The following FBXL13 variants were observed in gnomAD, a reference collection of about 807,000 sequenced individuals.
FBXL13 encodes F-box and leucine rich repeat protein 13, also known as F-box and leucine-rich repeat protein 13.
In FBXL13, 67 loss-of-function variants were observed where a neutral mutation model predicts 83.6. The ratio of observed to expected loss-of-function variants is 0.80; its 90% CI spans 0.66 to 0.98. FBXL13 has a LOEUF of 0.98. Among genes scored for constraint, FBXL13 ranks in the 50% least tolerant of loss-of-function variants. The pLI is 0.00. For missense variants in FBXL13, 822 were observed against 866.5 expected (o/e 0.95, Z 0.64); for synonymous variants, 272 against 299.5 (o/e 0.91, Z 0.95).
intron 16 of FBXL13, chr7:102,874,308 C>T (rs1808933618): frequency 2.0e-6 from 2 of 984,750 alleles, no homozygotes; most frequent in African/African-American, 1.7e-5. Flanking sequence ...CTCATTTTAA[C>T]TTCACTGTTT....
In FBXL13 at chr7:102,930,971, C is replaced by T. The variant is rs531698559; in HGVS notation, c.777+910G>A. Among the ~76,000 whole-genome samples, 6 of 152,278 alleles carry T rather than the reference C, an allele frequency of 3.9e-5. No homozygotes were observed. The East Asian group carries it at 1.2e-3, about 29-fold the overall frequency. On this transcript the variant is annotated intron_variant, in intron 9 of 19. Transcript: ENST00000313221. ...CAAAGAACAAGACACATCTCCTGCC[C>T]TTTGGGTCTCTTAGGCTAGTGAAGG...
chr7:102,833,941 T>C (rs781505278), intron 17 of FBXL13, among the ~76,000 whole-genome samples: 2 of 150,326 alleles, frequency 1.3e-5, no homozygotes, highest in Admixed American at 6.7e-5. Flanking sequence ...TCAGCAGTTA[T>C]ACAAGAACAA....
chr7:102,980,863 T>C (rs1216365978), intron 6 of FBXL13, among the ~76,000 whole-genome samples: 1 of 151,616 alleles, frequency 6.6e-6, no homozygotes, highest in Non-Finnish European at 1.5e-5. Flanking sequence ...ACAAAGAATA[T>C]GACACCAAAA....
At chr7:102,966,756 C>A (rs1443600393) in intron 7 of FBXL13, among the ~76,000 whole-genome samples, 1 of 152,202 alleles carries the variant, frequency 6.6e-6, no homozygotes, top group African/African-American at 2.4e-5. Flanking sequence ...CAATTATAAT[C>A]AGCATTTTTA....
At chr7:103,038,360 A>G (rs1485542442) in intron 2 of FBXL13, among the ~76,000 whole-genome samples, 1 of 152,244 alleles carries the variant, frequency 6.6e-6, no homozygotes, top group African/African-American at 2.4e-5. Flanking sequence ...TACTGCCTCT[A>G]TAGATTCCAC....
intron 11 of FBXL13, among the ~76,000 whole-genome samples, chr7:102,902,243 T>C (rs1226008166): frequency 1.3e-5 from 2 of 152,212 alleles, no homozygotes; most frequent in East Asian, 1.9e-4. Context: ...CTTTGAGAAA[T>C]GTCTATTGCA....
At chr7:103,020,163 G>T (rs1415567348) in intron 6 of FBXL13, among the ~76,000 whole-genome samples, 1 of 152,124 alleles carries the variant, frequency 6.6e-6, no homozygotes, top group African/African-American at 2.4e-5. Flanking sequence ...TGCAAGGCTG[G>T]TTCAACATAT....
rs191088249 is a variant in FBXL13, at chr7:103,028,048, C to G, written c.218-490G>C. On this transcript the variant is annotated intron_variant, in intron 4 of 19. Transcript: ENST00000313221. Reference sequence around the variant, plus strand: ...AAAGAAATGATTCTCTGGTTTGCAACAGTCATAAACAAGTTGTTATCAGGA... The same window carrying G: ...AAAGAAATGATTCTCTGGTTTGCAAGAGTCATAAACAAGTTGTTATCAGGA... 4.4e-3 allele frequency among the ~76,000 whole-genome samples: 672 copies of G among 152,240 alleles called. 6 individuals are homozygous for G. Among genetic ancestry groups the G allele is most frequent in the African/African-American group, 0.016 (644 of 41,542 alleles).
At chr7:102,948,599 A>G (rs1249985068) in intron 8 of FBXL13, among the ~76,000 whole-genome samples, 1 of 150,868 alleles carries the variant, frequency 6.6e-6, no homozygotes, top group African/African-American at 2.4e-5. Flanking sequence ...AATGTTTTGT[A>G]TTTTTAGTAG....
intron 8 of FBXL13, among the ~76,000 whole-genome samples, chr7:102,963,000 T>A (rs1825503637): frequency 7.3e-6 from 1 of 137,534 alleles, no homozygotes; most frequent in Non-Finnish European, 1.5e-5. Context: ...TATATATATA[T>A]ATATATAAAA....
At chr7:103,057,080 T>G (rs1797411307) in intron 1 of FBXL13, among the ~76,000 whole-genome samples, 1 of 152,190 alleles carries the variant, frequency 6.6e-6, no homozygotes, top group African/African-American at 2.4e-5. Context: ...GTATAGATTT[T>G]CGCCTACTCT....
intron 8 of FBXL13, among the ~76,000 whole-genome samples, chr7:102,946,203 A>G (rs760101870): frequency 2.6e-5 from 4 of 152,210 alleles, no homozygotes; most frequent in African/African-American, 4.8e-5. Context: ...CACATGCTAC[A>G]TGCCAGACAC....
At chr7:102,891,068 T>C (rs897928512) in intron 11 of FBXL13, among the ~76,000 whole-genome samples, 1 of 152,228 alleles carries the variant, frequency 6.6e-6, no homozygotes, top group South Asian at 2.1e-4. Flanking sequence ...TTTTATTGCA[T>C]TCAAATGCAC....
chr7:102,993,854 A>C (rs1436351287), intron 6 of FBXL13, among the ~76,000 whole-genome samples: 1 of 152,266 alleles, frequency 6.6e-6, no homozygotes, highest in Non-Finnish European at 1.5e-5. Context: ...AAGAAAGTTC[A>C]AATTGTATCC....
chr7:102,811,452 C>T (rs1797430575), downstream of FBXL13, among the ~76,000 whole-genome samples: 1 of 152,160 alleles, frequency 6.6e-6, no homozygotes, highest in Non-Finnish European at 1.5e-5. Flanking sequence ...TTTTCTACTC[C>T]TTTTCTTCAT....
intron 11 of FBXL13, among the ~76,000 whole-genome samples, chr7:102,911,188 A>T (rs1814608187): frequency 6.6e-6 from 1 of 152,168 alleles, no homozygotes; most frequent in African/African-American, 2.4e-5. Flanking sequence ...TGTGTTTTGT[A>T]TGCATATCTG....
intron 17 of FBXL13, among the ~76,000 whole-genome samples, chr7:102,852,914 A>T (rs1805481095): frequency 6.6e-6 from 1 of 152,240 alleles, no homozygotes; most frequent in South Asian, 2.1e-4. Context: ...CACAATTCGC[A>T]ATTGCAAAAT....
intron 2 of FBXL13, among the ~76,000 whole-genome samples, chr7:103,033,159 G>A (rs886103913): frequency 5.9e-5 from 9 of 151,928 alleles, no homozygotes; most frequent in Non-Finnish European, 8.8e-5. Context: ...AGGTTTTTTT[G>A]TTTGTTTTTT....
intron 8 of FBXL13, among the ~76,000 whole-genome samples, chr7:102,951,208 C>T (rs529396420): frequency 2.1e-4 from 31 of 151,026 alleles, no homozygotes; most frequent in East Asian, 3.9e-4. Context: ...GGCTCACACC[C>T]GTAATCCTAG....
Sources: allele counts gnomAD v4.1 joint callset (sites outside exome capture counted in the v4.1 genomes callset), GRCh38; gene constraint gnomAD v4.1.1; transcripts MANE v1.5; gene names NCBI Gene and HGNC (gene_info 2026-07-23, HGNC 2026-07-21).